The following XYLB variants were observed in gnomAD, a reference collection of about 807,000 sequenced individuals.
XYLB encodes the protein xylulokinase, also known as xylulose kinase.
In XYLB, 62 loss-of-function variants were observed where a neutral mutation model predicts 78.7. The observed-to-expected ratio is 0.79, with a 90% CI of 0.64 to 0.97. The LOEUF is 0.97. Ranked by LOEUF, XYLB falls within the 50% of genes least tolerant of loss-of-function variation. The pLI, the probability that XYLB is intolerant of heterozygous loss-of-function variation, is 0.00. For missense variants in XYLB, 687 were observed against 676.8 expected (o/e 1.02, Z -0.17); for synonymous variants, 245 against 247.4 (o/e 0.99, Z 0.09).
At position 38,346,812 on chromosome 3, in the gene XYLB, A is replaced by G. The variant is rs1307866589; in HGVS notation, c.-57A>G. The G allele has an allele frequency of 1.4e-5, 20 of 1,455,920 alleles. No individual in the cohort carries two copies. Among genetic ancestry groups the G allele is most frequent in the Non-Finnish European group, 1.8e-5 (20 of 1,099,042 alleles). The allele number at this position is 1,455,920 out of a possible 1,614,324, so 90.2% of individuals were successfully genotyped here. On this transcript the variant is annotated 5_prime_UTR_variant, in exon 1 of 19. Transcript: ENST00000207870. ...CTCTGGGCGCTGGAGCGCGGCGACT[A>G]TCACGCCGCGTGGCGGACGGACGGA...
intron 10 of XYLB, among the ~76,000 whole-genome samples, chr3:38,373,290 C>G (rs1000926287): frequency 6.6e-6 from 1 of 152,154 alleles, no homozygotes; most frequent in Admixed American, 6.5e-5. Context: ...GTGGGCTACA[C>G]TGAATAACAA....
intron 14 of XYLB, among the ~76,000 whole-genome samples, chr3:38,378,769 A>C (rs1706995132): frequency 6.7e-6 from 1 of 150,226 alleles, no homozygotes. Context: ...TGCTAGCTTG[A>C]AGGACATGCC....
chr3:38,368,523 G>T lies in XYLB; in HGVS notation c.646+266G>T, dbSNP rs75269297. ...GCTTAGCTTGGAGGTACTGGTTCGG[G>T]ATCTCCCACAAGGTGGCAGTCAAGC... On this transcript the variant is annotated intron_variant, in intron 8 of 18. Coordinates refer to ENST00000207870, the MANE Select transcript of XYLB (RefSeq NM_005108.4). Among the ~76,000 whole-genome samples the T allele has an allele frequency of 8.1e-3, 1,235 of 152,280 alleles. 15 individuals are homozygous for T. The highest frequency in any genetic ancestry group is 0.028 in the African/African-American group (1,163 of 41,548).
At chr3:38,423,445 A>G (rs1709040002), downstream of XYLB, among the ~76,000 whole-genome samples, 1 of 152,214 alleles carries the variant, frequency 6.6e-6, no homozygotes, top group Non-Finnish European at 1.5e-5. Context: ...ATTCGGTTAG[A>G]CAACCTATGG....
downstream of XYLB, among the ~76,000 whole-genome samples, chr3:38,415,443 G>C (rs1708755271): frequency 6.6e-6 from 1 of 151,982 alleles, no homozygotes; most frequent in Admixed American, 6.6e-5. Flanking sequence ...ATGGAAGTGG[G>C]GATAAGGGTG....
At chr3:38,415,801 C>T (rs1463427114), downstream of XYLB, among the ~76,000 whole-genome samples, 1 of 151,994 alleles carries the variant, frequency 6.6e-6, no homozygotes, top group Non-Finnish European at 1.5e-5. Context: ...AAAGATAGTA[C>T]CCAAGACTGG....
chr3:38,410,722 A>G (rs1708543663), intron 18 of XYLB, among the ~76,000 whole-genome samples: 1 of 152,174 alleles, frequency 6.6e-6, no homozygotes, highest in Non-Finnish European at 1.5e-5. Context: ...TGGGTGAAGG[A>G]CATGAACAGA....
rs1369279533 is a variant in XYLB at position 38,406,959 on chromosome 3, G to T, written c.1533+5974G>T. ...ATGGAACCAAGTTGGAAAACACTCT[G>T]CAGGATATTATCCAGGAGAACTTCC... On this transcript the variant is annotated intron_variant, in intron 18 of 18. Coordinates refer to ENST00000207870, the MANE Select transcript of XYLB (RefSeq NM_005108.4). 2.9e-3 allele frequency among the ~76,000 whole-genome samples: 434 copies of T among 151,130 alleles called. 5 individuals are homozygous for T. Among genetic ancestry groups the T allele is most frequent in the African/African-American group, 9.8e-3 (405 of 41,274 alleles).
intron 15 of XYLB, among the ~76,000 whole-genome samples, chr3:38,393,862 C>A (rs1707768195): frequency 6.6e-6 from 1 of 152,174 alleles, no homozygotes; most frequent in African/African-American, 2.4e-5. Flanking sequence ...TTCAAATACA[C>A]TCACATTCTG....
At chr3:38,388,577 ACT>A (rs1248575031) in intron 15 of XYLB, among the ~76,000 whole-genome samples, 24 of 152,138 alleles carry the variant, frequency 1.6e-4, no homozygotes, top group African/African-American at 5.3e-4. Flanking sequence ...TAACAGTGTA[ACT>A]CTGGTGTAAC....
In XYLB at chr3:38,365,606, A is replaced by G; in HGVS notation, c.379-2A>G. On this transcript the variant is annotated splice_acceptor_variant, in intron 5 of 18. Transcript: ENST00000207870. LOFTEE classifies it high-confidence loss of function. The stretch of plus-strand genomic sequence containing the variant: ...AGCCTGTGCCTTTGCCCTCCTTCCC[A>G]GGACTGTTTCTCCATCAGCGACTGC... 1 of 1,610,720 alleles carries G rather than the reference A, an allele frequency of 6.2e-7. No individual in the cohort carries two copies. The highest frequency in any genetic ancestry group is 8.5e-7 in the Non-Finnish European group (1 of 1,177,740).
chr3:38,419,889 G>A (rs142634878), downstream of XYLB, among the ~76,000 whole-genome samples: 797 of 151,756 alleles, frequency 5.3e-3, 4 homozygotes, highest in African/African-American at 0.018. Flanking sequence ...GCACCATCTC[G>A]GCTCACTGCA....
rs111861610 is a variant in XYLB, at chr3:38,376,356, T to G, written c.1120+124T>G. The G allele has an allele frequency of 5.8e-4, 402 of 690,718 alleles. 1 individual carries two copies. Among genetic ancestry groups the G allele is most frequent in the African/African-American group, 5.8e-3 (326 of 56,454 alleles). The allele number at this position is 690,718 out of a possible 1,614,324, so 42.8% of individuals were successfully genotyped here. A position where few individuals can be genotyped will look rare whatever the true frequency, so the allele number is the denominator to read the frequency against. On this transcript the variant is annotated intron_variant, in intron 13 of 18. Transcript: ENST00000207870. ...TGGAGAAGTCCAGGGGAGTCCTGTC[T>G]GTCTGCACTTATATTCCACACATCC...
chr3:38,355,963 T>A, intron 2 of XYLB: 1 of 593,860 alleles, frequency 1.7e-6, no homozygotes, highest in Non-Finnish European at 3.0e-6. Flanking sequence ...TTAAAGAAAA[T>A]ACTGGGGCCA....
chr3:38,371,026 G>T (rs1307483155), intron 9 of XYLB, among the ~76,000 whole-genome samples: 3 of 152,172 alleles, frequency 2.0e-5, no homozygotes, highest in Non-Finnish European at 4.4e-5. Context: ...AGGCCTGGAG[G>T]GAGTCGTGTA....
At chr3:38,450,188 C>T in the XYLB span, among the ~76,000 whole-genome samples, 2 of 152,230 alleles carry the variant, frequency 1.3e-5, no homozygotes, top group South Asian at 4.1e-4. Flanking sequence ...GAATGTCTAA[C>T]CAGGGCCTCT....
chr3:38,443,313 C>T, the XYLB span, among the ~76,000 whole-genome samples: 47 of 152,298 alleles, frequency 3.1e-4, no homozygotes, highest in African/African-American at 8.7e-4. Context: ...GTTGTTGGAT[C>T]GGCTGGTTGG....
chr3:38,388,019 G>A (rs778369342), intron 15 of XYLB, among the ~76,000 whole-genome samples: 5 of 152,038 alleles, frequency 3.3e-5, no homozygotes, highest in East Asian at 1.9e-4. Flanking sequence ...TTAAAAGTAC[G>A]GTGTTGACTA....
chr3:38,444,677 G>T, the XYLB span, among the ~76,000 whole-genome samples: 1 of 152,128 alleles, frequency 6.6e-6, no homozygotes, highest in Admixed American at 6.5e-5. Context: ...CTTTATCAGG[G>T]TTTGCGGGTC....
Sources: gnomAD v4.1 joint callset for allele counts (sites outside exome capture counted in the v4.1 genomes callset) on GRCh38, gnomAD v4.1.1 for gene constraint, MANE v1.5 for transcripts, NCBI Gene and HGNC (gene_info 2026-07-23, HGNC 2026-07-21) for gene names.